The following RPS6KA5 variants were observed in gnomAD, a reference collection of about 807,000 sequenced individuals.
The protein encoded by RPS6KA5 is ribosomal protein S6 kinase alpha-5.
Under a neutral mutation model 85.5 loss-of-function variants are expected in RPS6KA5, and 27 were observed. The ratio of observed to expected loss-of-function variants is 0.32; its 90% confidence interval spans 0.23 to 0.44. The LOEUF is 0.44. Among genes scored for constraint, RPS6KA5 ranks in the 20% least tolerant of loss-of-function variants. RPS6KA5 has a pLI of 1.00. For synonymous variants in RPS6KA5, 334 were observed against 348.2 expected, an observed-to-expected ratio of 0.96 and a Z score of 0.46; for missense variants, 811 against 980.9, an observed-to-expected ratio of 0.83 and a Z score of 2.31.
In RPS6KA5 at chr14:90,890,472, T is replaced by C. The variant is rs1316062375; in HGVS notation, c.1836+15A>G. ...GAAATAAGCAGGTTTAATGACTGTA[T>C]TGAAAAGAACTCACCAAAATGACGC... On this transcript the variant is annotated intron_variant, in intron 14 of 16. Transcript: ENST00000614987. 2 of 1,587,596 alleles carry C rather than the reference T, an allele frequency of 1.3e-6. No homozygotes were observed. The highest frequency in any genetic ancestry group is 1.7e-6 in the Non-Finnish European group (2 of 1,165,824).
At position 90,931,720 on chromosome 14, in the gene RPS6KA5, C is replaced by T. The variant is rs74244566; in HGVS notation, c.619-8524G>A. Among the ~76,000 whole-genome samples, 780 of 151,930 alleles carry T rather than the reference C, an allele frequency of 5.1e-3. 19 individuals are homozygous for T. The East Asian group carries it at 0.086, about 17-fold the overall frequency. On this transcript the variant is annotated intron_variant, in intron 5 of 16. Transcript: ENST00000614987. ...ATCTATAATACTTAACGAACTCCAACAAATCAATAACATCAGGGGAAAAAA... is the reference window on the plus strand; with the variant it reads ...ATCTATAATACTTAACGAACTCCAATAAATCAATAACATCAGGGGAAAAAA...
rs1001369963 is a variant in RPS6KA5, at chr14:90,852,582, T to C, written c.*19492A>G. 5 of 152,178 alleles carry C rather than the reference T, an allele frequency of 3.3e-5. No individual in the cohort carries two copies. Among genetic ancestry groups the C allele is most frequent in the Admixed American group, 1.3e-4 (2 of 15,274 alleles). The allele number at this position is 152,178 out of a possible 1,614,324, so 9.4% of individuals were successfully genotyped here. ...ATATGTGCACCCTATTGTAAAGAAT[T>C]GGTATTTAATGCTGCAATGGAGTAC... is the stretch of plus-strand genomic sequence containing the variant. On this transcript the variant is annotated 3_prime_UTR_variant, in exon 17 of 17. Coordinates refer to ENST00000614987, the MANE Select transcript of RPS6KA5 (RefSeq NM_004755.4).
chr14:90,933,669 T>C (rs1029052416), intron 5 of RPS6KA5, among the ~76,000 whole-genome samples: 11 of 152,192 alleles, frequency 7.2e-5, no homozygotes, highest in African/African-American at 2.4e-4. Flanking sequence ...AGATCACTAC[T>C]CTTCTACTCA....
intron 12 of RPS6KA5, among the ~76,000 whole-genome samples, chr14:90,896,747 G>A (rs188612031): frequency 2.6e-5 from 4 of 152,010 alleles, no homozygotes; most frequent in Admixed American, 2.0e-4. Context: ...TTGAGACAGG[G>A]TCTCACTCTA....
chr14:90,973,978 C>A (rs1343151690), intron 3 of RPS6KA5, among the ~76,000 whole-genome samples: 1 of 139,250 alleles, frequency 7.2e-6, no homozygotes, highest in East Asian at 2.1e-4. Flanking sequence ...GTGGAGGCTG[C>A]AGTGGGCCAA....
chr14:91,000,707 C>CA (rs1464646540), intron 2 of RPS6KA5, among the ~76,000 whole-genome samples: 8 of 152,218 alleles, frequency 5.3e-5, no homozygotes, highest in Admixed American at 2.0e-4. Context: ...GAGGCTGAGG[C>CA]AGGAGAATCG....
intron 14 of RPS6KA5, among the ~76,000 whole-genome samples, chr14:90,882,035 T>C (rs1048392996): frequency 1.3e-5 from 2 of 152,254 alleles, no homozygotes; most frequent in African/African-American, 4.8e-5. Context: ...GTTTTCTATA[T>C]GCTTGATAAC....
intron 1 of RPS6KA5, among the ~76,000 whole-genome samples, chr14:91,057,533 G>A (rs776882342): frequency 2.7e-5 from 4 of 146,388 alleles, no homozygotes; most frequent in African/African-American, 1.0e-4. Context: ...AGTACCGTGT[G>A]TTAACTGTTA....
chr14:91,004,351 G>A (rs1019798592), intron 1 of RPS6KA5, among the ~76,000 whole-genome samples: 2 of 152,080 alleles, frequency 1.3e-5, no homozygotes, highest in Non-Finnish European at 2.9e-5. Flanking sequence ...GATTACAGGC[G>A]TGAGCCACCG....
intron 10 of RPS6KA5, 63 bp from the exon 11 acceptor site, chr14:90,900,304 A>C: frequency 8.3e-7 from 1 of 1,207,522 alleles, no homozygotes; most frequent in South Asian, 1.9e-5. Context: ...GGATCAATAA[A>C]ATTGTAGAGT....
chr14:90,975,047 T>C (rs2039501739), intron 3 of RPS6KA5, among the ~76,000 whole-genome samples: 1 of 152,086 alleles, frequency 6.6e-6, no homozygotes, highest in South Asian at 2.1e-4. Context: ...GAAGAATATA[T>C]ACTGATAACA....
chr14:90,970,009 C>A (rs1032797377), intron 3 of RPS6KA5, among the ~76,000 whole-genome samples: 2 of 152,160 alleles, frequency 1.3e-5, no homozygotes, highest in Non-Finnish European at 2.9e-5. Flanking sequence ...CCACCCAAAT[C>A]TCTCTTGATA....
At chr14:90,923,351 C>G (rs2036499344) in intron 5 of RPS6KA5, 155 bp from the exon 6 acceptor site, 3 of 627,436 alleles carry the variant, frequency 4.8e-6, no homozygotes, top group Non-Finnish European at 8.6e-6. Context: ...GAACAGACCA[C>G]TGTCTACATA....
chr14:90,962,719 AT>A (rs1166413601), intron 3 of RPS6KA5, among the ~76,000 whole-genome samples: 4 of 152,192 alleles, frequency 2.6e-5, no homozygotes, highest in Non-Finnish European at 5.9e-5. Context: ...CGATTCCAAA[AT>A]TGTAAGAACA....
At chr14:90,980,946 T>C (rs1020674815) in intron 2 of RPS6KA5, among the ~76,000 whole-genome samples, 74 of 152,092 alleles carry the variant, frequency 4.9e-4, no homozygotes, top group African/African-American at 1.5e-3. Context: ...CTGAGGCAGG[T>C]GGATCACCTG....
intron 1 of RPS6KA5, among the ~76,000 whole-genome samples, chr14:91,010,139 T>A: frequency 6.6e-6 from 1 of 152,150 alleles, no homozygotes. Flanking sequence ...CATTTTTTAC[T>A]AAATTTTTGA....
intron 8 of RPS6KA5, among the ~76,000 whole-genome samples, chr14:90,903,978 G>A (rs974414301): frequency 3.4e-5 from 5 of 146,108 alleles, no homozygotes; most frequent in South Asian, 2.1e-4. Flanking sequence ...ACGGAGTCTC[G>A]CTCTGTCGCC....
At chr14:91,059,525 G>T (rs1407881079) in intron 1 of RPS6KA5, among the ~76,000 whole-genome samples, 1 of 152,098 alleles carries the variant, frequency 6.6e-6, no homozygotes, top group Non-Finnish European at 1.5e-5. Flanking sequence ...GTACTGATTG[G>T]TCTGAATAAG....
At chr14:90,964,931 A>AAC (rs1250400093) in intron 3 of RPS6KA5, among the ~76,000 whole-genome samples, 1 of 147,644 alleles carries the variant, frequency 6.8e-6, no homozygotes, top group Non-Finnish European at 1.5e-5. Flanking sequence ...AAAAAAAAAA[A>AAC]AAAACCAAAA....
Sources: gnomAD v4.1 joint callset for allele counts (sites outside exome capture counted in the v4.1 genomes callset) on GRCh38, gnomAD v4.1.1 for gene constraint, MANE v1.5 for transcripts, NCBI Gene and HGNC (gene_info 2026-07-23, HGNC 2026-07-21) for gene names.